Variants in ARHGEF4 observed in about 807,000 individuals in gnomAD.
ARHGEF4 encodes the protein APC-stimulated guanine nucleotide exchange factor 1.
Under a neutral mutation model 162.0 loss-of-function variants are expected in ARHGEF4, and 119 were observed. The ratio of observed to expected loss-of-function variants is 0.73; its 90% CI spans 0.63 to 0.86. The LOEUF (loss-of-function observed/expected upper bound fraction) is 0.86, where lower values mean the gene tolerates loss of function less well. Among genes scored for constraint, ARHGEF4 ranks in the 40% least tolerant of loss-of-function variants. The pLI, the probability that ARHGEF4 is intolerant of heterozygous loss-of-function variation, is 0.00. For missense variants in ARHGEF4, 2,488 were observed against 2,456.0 expected, an observed-to-expected ratio of 1.01 and a Z score of -0.28; for synonymous variants, 1,014 against 979.9, an observed-to-expected ratio of 1.03 and a Z score of -0.65.
intron 4 of ARHGEF4, among the ~76,000 whole-genome samples, chr2:131,014,531 C>G (rs990705297): frequency 6.6e-6 from 1 of 152,170 alleles, no homozygotes; most frequent in Admixed American, 6.5e-5. Context: ...TCCAGTTGAG[C>G]CCTCCAATCC....
intron 4 of ARHGEF4, among the ~76,000 whole-genome samples, chr2:130,955,797 C>G (rs1213133775): frequency 2.0e-5 from 3 of 152,202 alleles, no homozygotes; most frequent in Admixed American, 2.0e-4. Context: ...TCTCTGTTCT[C>G]TCATGCAAAC....
At chr2:130,973,584 G>A (rs1685501257) in intron 4 of ARHGEF4, among the ~76,000 whole-genome samples, 1 of 152,182 alleles carries the variant, frequency 6.6e-6, no homozygotes, top group Non-Finnish European at 1.5e-5. Context: ...AGGCAGAGGA[G>A]CACCAGGGCT....
In ARHGEF4 at chr2:131,046,193, G is replaced by C. The variant is rs1176396326; in HGVS notation, c.*4G>C. The C allele has an allele frequency of 1.2e-6, 2 of 1,608,770 alleles. No individual in the cohort carries two copies. The highest frequency in any genetic ancestry group is 2.7e-5 in the African/African-American group (2 of 74,850). Reference sequence around the variant, plus strand: ...GCTGGCACCCTTCCGCAAGTGAACTGGTCCCTGCCTGACAGCACCTGCTGG... The same window carrying C: ...GCTGGCACCCTTCCGCAAGTGAACTCGTCCCTGCCTGACAGCACCTGCTGG... On this transcript the variant is annotated 3_prime_UTR_variant, in exon 14 of 14. Coordinates refer to ENST00000409359, the MANE Select transcript of ARHGEF4 (RefSeq NM_001367493.1).
At chr2:130,992,575 C>A (rs960702420) in intron 4 of ARHGEF4, among the ~76,000 whole-genome samples, 1 of 151,904 alleles carries the variant, frequency 6.6e-6, no homozygotes, top group Non-Finnish European at 1.5e-5. Context: ...AAACTCCGAA[C>A]CTATCCGACC....
chr2:130,852,684 G>A (rs1455589502), intron 1 of ARHGEF4, among the ~76,000 whole-genome samples: 1 of 152,228 alleles, frequency 6.6e-6, no homozygotes, highest in Non-Finnish European at 1.5e-5. Context: ...ACCGCAGGAT[G>A]GGAGAGAGAT....
intron 4 of ARHGEF4, among the ~76,000 whole-genome samples, chr2:131,018,710 A>G (rs1047023657): frequency 1.3e-5 from 2 of 152,148 alleles, no homozygotes; most frequent in Non-Finnish European, 2.9e-5. Flanking sequence ...TTTTCTTCTA[A>G]GAGTATTATA....
chr2:130,840,336 G>C (rs7566496), intron 1 of ARHGEF4, among the ~76,000 whole-genome samples: 1,583 of 152,294 alleles, frequency 0.01, 30 homozygotes, highest in African/African-American at 0.035. Context: ...GCTGATGAGA[G>C]AATCCACTTG....
At chr2:130,853,507 T>C (rs1681557110) in intron 1 of ARHGEF4, among the ~76,000 whole-genome samples, 1 of 152,226 alleles carries the variant, frequency 6.6e-6, no homozygotes. Flanking sequence ...CACCTGCCTG[T>C]TTCACAGGTG....
At chr2:130,945,487 G>A (rs570074337) in intron 3 of ARHGEF4, among the ~76,000 whole-genome samples, 1 of 152,190 alleles carries the variant, frequency 6.6e-6, no homozygotes, top group African/African-American at 2.4e-5. Flanking sequence ...TAGGGTGGGA[G>A]AAATCATCAC....
In ARHGEF4 at chr2:130,917,374, C is replaced by G; in HGVS notation, c.3428C>G (p.Thr1143Ser). ...PERPKIPKGQ[T>S]SFLLSLQTLN... ...AGACCCAAGATTCCCAAGGGCCAGA[C>G]CAGTTTCCTGCTTTCTCTGCAGACG... Residue 1143 changes from threonine to serine, a missense_variant, in exon 2 of 14, where the codon ACC (threonine) becomes AGC (serine). Physicochemically the swap from Thr to Ser is moderately conservative, Grantham distance 58. Around this residue, in one of 6 missense-constraint regions of ARHGEF4, gnomAD observed 1,642 missense variants for 1,481.5 expected, o/e 1.11. Transcript: ENST00000409359. 6.4e-6 allele frequency: 10 copies of G among 1,550,596 alleles called. No individual in the cohort carries two copies. The highest frequency in any genetic ancestry group is 8.7e-6 in the Non-Finnish European group (10 of 1,146,998).
In ARHGEF4 at chr2:130,917,237, C is replaced by CTG; in HGVS notation, c.3291_3292insTG (p.Arg1098Ter). The stretch of plus-strand genomic sequence containing the variant: ...CCACGAGCCCCAAGCCCCTGAGTCC[C>CTG]AGGCCTAGTGCTCAGCGGATGGGTC... On this transcript the variant is annotated frameshift_variant, in exon 2 of 14. Coordinates refer to ENST00000409359, the MANE Select transcript of ARHGEF4 (RefSeq NM_001367493.1). LOFTEE classifies it high-confidence loss of function. 6.4e-7 allele frequency: 1 copy of CTG among 1,550,572 alleles called. No homozygotes were observed. Among genetic ancestry groups the CTG allele is most frequent in the South Asian group, 1.2e-5 (1 of 84,060 alleles).
intron 4 of ARHGEF4, among the ~76,000 whole-genome samples, chr2:130,993,326 G>A (rs930580756): frequency 6.6e-6 from 1 of 152,028 alleles, no homozygotes; most frequent in Non-Finnish European, 1.5e-5. Flanking sequence ...AAAAATTTCT[G>A]GCATATTTGT....
rs149132976 is a variant in ARHGEF4, at chr2:130,887,780, G to A, written c.40-26206G>A. 4.1e-3 allele frequency among the ~76,000 whole-genome samples: 621 copies of A among 152,254 alleles called. 10 individuals are homozygous for A. The highest frequency in any genetic ancestry group is 0.014 in the African/African-American group (575 of 41,492). On this transcript the variant is annotated intron_variant, in intron 1 of 13. Coordinates refer to ENST00000409359, the MANE Select transcript of ARHGEF4 (RefSeq NM_001367493.1). ...CCCAGGCCATTTCTGTGGTTGGCCC[G>A]GCTGTCCTCACCATGTGGTCTCCAG...
At chr2:130,878,865 A>G (rs921107179) in intron 1 of ARHGEF4, among the ~76,000 whole-genome samples, 2 of 152,260 alleles carry the variant, frequency 1.3e-5, no homozygotes, top group Non-Finnish European at 1.5e-5. Flanking sequence ...CAACAGAGGC[A>G]TACACATTAC....
At chr2:130,866,071 G>A (rs745855363) in intron 1 of ARHGEF4, among the ~76,000 whole-genome samples, 15 of 152,180 alleles carry the variant, frequency 9.9e-5, no homozygotes, top group Admixed American at 3.3e-4. Context: ...CTTTAGGGTC[G>A]AATAAAAACA....
At chr2:130,956,966 A>T (rs71428540) in intron 4 of ARHGEF4, among the ~76,000 whole-genome samples, 14,532 of 152,062 alleles carry the variant, frequency 0.096, 728 homozygotes, top group Non-Finnish European at 0.11. Flanking sequence ...GTATAATTTT[A>T]AAAAAAGCCA....
chr2:131,039,758 G>C, intron 6 of ARHGEF4: 7 of 1,371,114 alleles, frequency 5.1e-6, no homozygotes, highest in Non-Finnish European at 6.6e-6. Flanking sequence ...CTCTGTGCCG[G>C]GCACAAGCAG....
At chr2:130,962,516 A>G (rs964748099) in intron 4 of ARHGEF4, among the ~76,000 whole-genome samples, 1 of 152,114 alleles carries the variant, frequency 6.6e-6, no homozygotes, top group Non-Finnish European at 1.5e-5. Context: ...TAGACAAGAT[A>G]CTAGAGGTCT....
At chr2:130,847,695 C>G (rs146534456) in intron 1 of ARHGEF4, among the ~76,000 whole-genome samples, 261 of 152,320 alleles carry the variant, frequency 1.7e-3, no homozygotes, top group Middle Eastern at 3.4e-3. Context: ...CCTGGGTCCA[C>G]CCAGGTCCCC....
Sources: gnomAD v4.1 joint callset for allele counts (sites outside exome capture counted in the v4.1 genomes callset) on GRCh38, gnomAD v4.1.1 for gene constraint, gnomAD v4.1.1 regional missense constraint, MANE v1.5 for transcripts, NCBI Gene and HGNC (gene_info 2026-07-23, HGNC 2026-07-21) for gene names.